The following ATP10D variants were observed in gnomAD, a reference collection of about 807,000 sequenced individuals.
ATP10D encodes phospholipid-transporting ATPase VD.
In ATP10D, 89 loss-of-function variants were observed where a neutral mutation model predicts 144.8. That is an observed-to-expected ratio of 0.61 (90% CI 0.52 to 0.73). The LOEUF is 0.73. ATP10D is among the 30% of genes least tolerant of loss of function. The probability of loss-of-function intolerance (pLI) is 0.00; values close to 1 mark genes in which losing one functional copy is unlikely to be tolerated. For missense variants in ATP10D, 1,603 were observed against 1,714.8 expected, an observed-to-expected ratio of 0.93 and a Z score of 1.15; for synonymous variants, 571 against 615.1, an observed-to-expected ratio of 0.93 and a Z score of 1.06.
At chr4:47,510,123 T>C (rs1436911316) in intron 1 of ATP10D, among the ~76,000 whole-genome samples, 1 of 152,050 alleles carries the variant, frequency 6.6e-6, no homozygotes, top group Non-Finnish European at 1.5e-5. Flanking sequence ...AACTAGCAAT[T>C]TGAAAGGATT....
chr4:47,501,024 T>C (rs1437410900), intron 1 of ATP10D, among the ~76,000 whole-genome samples: 1 of 152,176 alleles, frequency 6.6e-6, no homozygotes, highest in Non-Finnish European at 1.5e-5. Flanking sequence ...TTTCAACCTG[T>C]AGGTACTGGA....
intron 1 of ATP10D, among the ~76,000 whole-genome samples, chr4:47,500,743 G>A (rs1239262087): frequency 6.6e-6 from 1 of 152,162 alleles, no homozygotes; most frequent in Non-Finnish European, 1.5e-5. Flanking sequence ...AGAGGTCTAT[G>A]CTAGGGGAAC....
intron 13 of ATP10D, among the ~76,000 whole-genome samples, 164 bp from the exon 14 acceptor site, chr4:47,560,785 G>GC (rs34470690): frequency 0.22 from 33,015 of 152,166 alleles, 3,661 homozygotes; most frequent in East Asian, 0.29. Flanking sequence ...AGTTTGGGAA[G>GC]CTAGTGTCCA....
chr4:47,586,991 C>T (rs2109481603), intron 21 of ATP10D, 28 bp from the exon 22 acceptor site: 1 of 1,598,248 alleles, frequency 6.3e-7, no homozygotes, highest in Non-Finnish European at 8.6e-7. Flanking sequence ...ACAGAGCATT[C>T]ATTTCCTCTG....
chr4:47,579,843 A>AT (rs1048252970), intron 19 of ATP10D, among the ~76,000 whole-genome samples: 2 of 152,226 alleles, frequency 1.3e-5, no homozygotes, highest in Non-Finnish European at 2.9e-5. Flanking sequence ...CCTGGTTTAC[A>AT]TTTTTTAAGT....
chr4:47,557,931 C>G lies in ATP10D; in HGVS notation c.2092C>G (p.Gln698Glu), dbSNP rs568662009. The G allele has an allele frequency of 1.9e-5, 31 of 1,614,072 alleles. No individual in the cohort carries two copies. In the South Asian group the frequency reaches 3.0e-4, roughly 15 times the overall value. Reference protein sequence around the residue: ...SSACCTETEKQHGDAGLLNGK... With the variant: ...SSACCTETEKEHGDAGLLNGK... ...AGCTTGCTGCACAGAAACAGAGAAACAACACGGTGATGCAGGCCTCCTGAA... is the reference window on the plus strand; with the variant it reads ...AGCTTGCTGCACAGAAACAGAGAAAGAACACGGTGATGCAGGCCTCCTGAA... The change falls in exon 12 of 23, where the codon CAA becomes GAA. Residue 698 changes from glutamine (Q) to glutamate (E), a missense_variant. Gln to Glu is a conservative substitution (Grantham distance 29, BLOSUM62 2). Coordinates refer to ENST00000273859, the MANE Select transcript of ATP10D (RefSeq NM_020453.4).
intron 12 of ATP10D, 94 bp downstream of exon 12, chr4:47,558,367 A>C: frequency 6.8e-7 from 1 of 1,481,322 alleles, no homozygotes. Context: ...AGAAACAGCT[A>C]TCTGGGGACT....
intron 9 of ATP10D, among the ~76,000 whole-genome samples, chr4:47,546,373 C>T (rs759468970): frequency 7.2e-5 from 11 of 151,820 alleles, no homozygotes; most frequent in Non-Finnish European, 1.3e-4. Flanking sequence ...GAGGAAAGGC[C>T]GAGAGTATGA....
At chr4:47,555,112 G>A (rs6823365) in intron 11 of ATP10D, among the ~76,000 whole-genome samples, 198 bp downstream of exon 11, 35,872 of 152,166 alleles carry the variant, frequency 0.24, 4,235 homozygotes, top group Admixed American at 0.3. Flanking sequence ...GTTGCAGACC[G>A]GTAACAGTCT....
At chr4:47,536,164 T>C (rs1241040003) in intron 7 of ATP10D, 131 bp downstream of exon 7, 1 of 1,158,142 alleles carries the variant, frequency 8.6e-7, no homozygotes, top group African/African-American at 1.6e-5. Flanking sequence ...CTCATATCCT[T>C]GTCTCTTTCA....
chr4:47,536,094 CA>C, intron 7 of ATP10D, 61 bp downstream of exon 7: 1 of 1,538,938 alleles, frequency 6.5e-7, no homozygotes, highest in Non-Finnish European at 8.8e-7. Flanking sequence ...TATTTTATTT[CA>C]AAATTATATC....
At chr4:47,512,328 A>C (rs1162760191) in intron 1 of ATP10D, among the ~76,000 whole-genome samples, 176 bp from the exon 2 acceptor site, 4 of 152,244 alleles carry the variant, frequency 2.6e-5, no homozygotes, top group Admixed American at 6.5e-5. Flanking sequence ...CCCATGAGGC[A>C]GAAGATGTAT....
chr4:47,536,917 G>T lies in ATP10D; in HGVS notation c.1375G>T (p.Asp459Tyr). The T allele has an allele frequency of 6.2e-7, 1 of 1,609,436 alleles. No homozygotes were observed. Among genetic ancestry groups the T allele is most frequent in the South Asian group, 1.1e-5 (1 of 89,956 alleles). The change falls in exon 9 of 23, where the codon GAT becomes TAT. Residue 459 changes from aspartate to tyrosine, a missense_variant. Coordinates refer to ENST00000273859, the MANE Select transcript of ATP10D (RefSeq NM_020453.4). ...VFRRCSVAGF[D>Y]YCHEENARRL... The stretch of plus-strand genomic sequence containing the variant: ...TCGAAGATGTAGTGTGGCAGGATTT[G>T]ATTACTGCCATGAAGAAAATGGTGA...
chr4:47,510,215 T>C (rs1226121680), intron 1 of ATP10D, among the ~76,000 whole-genome samples: 2 of 152,090 alleles, frequency 1.3e-5, no homozygotes, highest in Admixed American at 1.3e-4. Context: ...CTTAAATCTG[T>C]CCTCTGATCC....
intron 14 of ATP10D, among the ~76,000 whole-genome samples, chr4:47,561,983 T>G (rs1200493574): frequency 6.6e-6 from 1 of 152,192 alleles, no homozygotes; most frequent in Non-Finnish European, 1.5e-5. Flanking sequence ...ATGCCTACCC[T>G]AAGTGATTTC....
At chr4:47,517,271 G>A (rs1431659521) in intron 3 of ATP10D, among the ~76,000 whole-genome samples, 2 of 151,922 alleles carry the variant, frequency 1.3e-5, no homozygotes, top group Non-Finnish European at 2.9e-5. Context: ...CAAAAAATTA[G>A]CCAGGCATGG....
At chr4:47,542,543 T>A (rs1038760486) in intron 9 of ATP10D, among the ~76,000 whole-genome samples, 2 of 152,214 alleles carry the variant, frequency 1.3e-5, no homozygotes, top group African/African-American at 4.8e-5. Context: ...AGTGGTGCGA[T>A]CTTGGCTCAC....
chr4:47,511,593 G>A (rs1459806121), intron 1 of ATP10D, among the ~76,000 whole-genome samples: 1 of 152,168 alleles, frequency 6.6e-6, no homozygotes, highest in South Asian at 2.1e-4. Flanking sequence ...GGAAACCTTA[G>A]AAATAAGGAA....
chr4:47,519,296 T>C (rs1447506065), intron 3 of ATP10D, among the ~76,000 whole-genome samples: 1 of 152,194 alleles, frequency 6.6e-6, no homozygotes, highest in African/African-American at 2.4e-5. Context: ...AGTTCCAACT[T>C]TTCCCAATGC....
Sources: allele counts gnomAD v4.1 joint callset (sites outside exome capture counted in the v4.1 genomes callset), GRCh38; gene constraint gnomAD v4.1.1; transcripts MANE v1.5; gene names NCBI Gene and HGNC (gene_info 2026-07-23, HGNC 2026-07-21).